The following DPP10 variants were observed in gnomAD, a reference collection of about 807,000 sequenced individuals.
DPP10 encodes the protein dipeptidyl peptidase like 10, also known as inactive dipeptidyl peptidase 10.
A neutral mutation model predicts 120.9 loss-of-function variants in DPP10; 33 were observed. The observed-to-expected ratio is 0.27, with a 90% CI of 0.21 to 0.37. The LOEUF is 0.37. Among genes scored for constraint, DPP10 ranks in the 10% least tolerant of loss-of-function variants. DPP10 has a pLI of 1.00. For missense variants in DPP10, 816 were observed against 942.8 expected, an observed-to-expected ratio of 0.87 and a Z score of 1.76; for synonymous variants, 337 against 326.1, an observed-to-expected ratio of 1.03 and a Z score of -0.36.
intron 1 of DPP10, chr2:115,050,202 A>C (rs2105340054): frequency 6.6e-6 from 1 of 152,318 alleles, no homozygotes; most frequent in Non-Finnish European, 1.5e-5. Context: ...TTGTTGAAGA[A>C]ATACCTACTG....
intron 3 of DPP10, among the ~76,000 whole-genome samples, chr2:115,474,393 A>G (rs1382535561): frequency 6.6e-6 from 1 of 152,186 alleles, no homozygotes; most frequent in Non-Finnish European, 1.5e-5. Context: ...ATCATAGACC[A>G]TATCGACTTG....
At chr2:115,810,570 G>A (rs1439039528) in intron 19 of DPP10, among the ~76,000 whole-genome samples, 1 of 152,042 alleles carries the variant, frequency 6.6e-6, no homozygotes, top group Non-Finnish European at 1.5e-5. Flanking sequence ...CAGTGTTGAA[G>A]GTATTGAAAG....
At chr2:114,525,900 TG>T (rs1025561228) in intron 1 of DPP10, among the ~76,000 whole-genome samples, 1 of 152,232 alleles carries the variant, frequency 6.6e-6, no homozygotes, top group African/African-American at 2.4e-5. Context: ...TTGGCTGGCC[TG>T]TATTCTTTCC....
At chr2:114,873,883 A>G (rs1252176551) in intron 1 of DPP10, among the ~76,000 whole-genome samples, 1 of 152,166 alleles carries the variant, frequency 6.6e-6, no homozygotes, top group Non-Finnish European at 1.5e-5. Context: ...GAGCCACTTC[A>G]GAAATAGCAC....
At chr2:115,092,585 T>C (rs560065399) in intron 1 of DPP10, among the ~76,000 whole-genome samples, 4 of 152,146 alleles carry the variant, frequency 2.6e-5, no homozygotes, top group Admixed American at 2.6e-4. Flanking sequence ...TTGATTTCAA[T>C]ATATATATAT....
intron 1 of DPP10, among the ~76,000 whole-genome samples, chr2:115,247,590 A>G (rs749946824): frequency 1.3e-5 from 2 of 152,142 alleles, no homozygotes; most frequent in African/African-American, 2.4e-5. Context: ...CAACTGATGG[A>G]TAGGATAAGA....
chr2:115,213,591 T>C (rs759105349), intron 1 of DPP10, among the ~76,000 whole-genome samples: 2 of 152,182 alleles, frequency 1.3e-5, no homozygotes, highest in Non-Finnish European at 2.9e-5. Context: ...GCAATTTTGT[T>C]TGAGCCTTTC....
At chr2:115,001,772 C>T (rs1701456773) in intron 1 of DPP10, among the ~76,000 whole-genome samples, 1 of 152,118 alleles carries the variant, frequency 6.6e-6, no homozygotes, top group Admixed American at 6.5e-5. Flanking sequence ...GAATGCAATC[C>T]TATTCACAAT....
intron 7 of DPP10, among the ~76,000 whole-genome samples, chr2:115,721,104 A>G (rs2092638825): frequency 6.6e-6 from 1 of 152,202 alleles, no homozygotes; most frequent in Admixed American, 6.5e-5. Flanking sequence ...AAACATTGGC[A>G]TTGGAATTCA....
At chr2:114,676,480 C>A (rs1267044977) in intron 1 of DPP10, among the ~76,000 whole-genome samples, 1 of 152,044 alleles carries the variant, frequency 6.6e-6, no homozygotes, top group Non-Finnish European at 1.5e-5. Context: ...ATTGGCACAT[C>A]GGTGTGTGAT....
chr2:115,415,875 A>ATATG (rs1221606221), intron 3 of DPP10, among the ~76,000 whole-genome samples: 1 of 137,168 alleles, frequency 7.3e-6, no homozygotes, highest in Non-Finnish European at 1.6e-5. Flanking sequence ...ATATATATAT[A>ATATG]TGCACACACA....
chr2:114,485,963 A>T (rs988736894), intron 1 of DPP10, among the ~76,000 whole-genome samples: 2 of 152,126 alleles, frequency 1.3e-5, no homozygotes, highest in Admixed American at 6.6e-5. Flanking sequence ...CTACCCACAC[A>T]CATGTAGTTA....
chr2:114,616,035 A>G (rs969621230), intron 1 of DPP10, among the ~76,000 whole-genome samples: 1 of 152,170 alleles, frequency 6.6e-6, no homozygotes, highest in Non-Finnish European at 1.5e-5. Flanking sequence ...CATCTTCTGT[A>G]ACTGTTGGCT....
intron 1 of DPP10, among the ~76,000 whole-genome samples, chr2:115,057,683 T>C (rs1559043152): frequency 1.3e-5 from 2 of 152,192 alleles, no homozygotes; most frequent in Non-Finnish European, 2.9e-5. Context: ...ATGTGGTAAA[T>C]TATTCACTTT....
At chr2:115,227,951 G>T (rs2057523483) in intron 1 of DPP10, among the ~76,000 whole-genome samples, 1 of 142,510 alleles carries the variant, frequency 7.0e-6, no homozygotes, top group Non-Finnish European at 1.5e-5. Flanking sequence ...AGACAGGGTG[G>T]TAGTCTGTCA....
intron 5 of DPP10, among the ~76,000 whole-genome samples, chr2:115,662,771 C>G (rs1316571209): frequency 1.3e-5 from 2 of 152,062 alleles, no homozygotes; most frequent in Non-Finnish European, 2.9e-5. Flanking sequence ...TGCTTGTAGT[C>G]AAGAATTCTG....
chr2:114,968,241 C>A (rs923058720), intron 1 of DPP10, among the ~76,000 whole-genome samples: 6 of 152,126 alleles, frequency 3.9e-5, no homozygotes, highest in African/African-American at 1.4e-4. Context: ...GAAAGGTATT[C>A]CTTATCTTGC....
intron 21 of DPP10, among the ~76,000 whole-genome samples, chr2:115,824,182 A>G (rs2150071065): frequency 6.6e-6 from 1 of 152,328 alleles, no homozygotes; most frequent in East Asian, 1.9e-4. Context: ...ATTTAAAAAA[A>G]TGCTCAATGT....
In DPP10 at chr2:115,611,678, G is replaced by A. The variant is rs140308095; in HGVS notation, c.442-78009G>A. On this transcript the variant is annotated intron_variant, in intron 5 of 25. Transcript: ENST00000410059. ...ATTTTAGAATCGAACTTTGAAGCAT[G>A]TTACTGAAGCCATATCATGATGGGG... 4.6e-4 allele frequency among the ~76,000 whole-genome samples: 70 copies of A among 152,256 alleles called. 1 individual carries two copies. The highest frequency in any genetic ancestry group is 3.9e-3 in the East Asian group (20 of 5,184).
Sources: gnomAD v4.1 joint callset for allele counts (sites outside exome capture counted in the v4.1 genomes callset) on GRCh38, gnomAD v4.1.1 for gene constraint, MANE v1.5 for transcripts, NCBI Gene and HGNC (gene_info 2026-07-23, HGNC 2026-07-21) for gene names.